Variants in FSIP2 observed in about 807,000 individuals in gnomAD.
The protein encoded by FSIP2 is fibrous sheath-interacting protein 2.
FSIP2 carries 367 observed loss-of-function variants against 510.5 expected under a neutral mutation model. The observed-to-expected ratio is 0.72, with a 90% confidence interval of 0.66 to 0.78. The LOEUF (loss-of-function observed/expected upper bound fraction) is 0.78. Among genes scored for constraint, FSIP2 ranks in the 30% least tolerant of loss-of-function variants. The pLI is 0.00. For missense variants in FSIP2, 7,594 were observed against 7,901.7 expected (o/e 0.96, Z 1.48); for synonymous variants, 2,601 against 2,732.2 (o/e 0.95, Z 1.50).
Position 185,792,215 on chromosome 2 carries a change from T to A in FSIP2, c.5079T>A (p.Asp1693Glu), listed in dbSNP as rs766183841. The change falls in exon 16 of 23, where the codon GAT (aspartate) becomes GAA (glutamate). Residue 1693 changes from aspartate (D) to glutamate (E), a missense_variant. Transcript: ENST00000424728. Reference sequence around the variant, plus strand: ...TAATTTTAGATGCAGTATCTTCCGATATGTTTAATGAAATGGAATCTGAAG... The same window carrying A: ...TAATTTTAGATGCAGTATCTTCCGAAATGTTTAATGAAATGGAATCTGAAG... ...VKLILDAVSS[D>E]MFNEMESEGG... is the part of the protein sequence containing the mutation. The A allele has an allele frequency of 6.5e-7, 1 of 1,532,978 alleles. No homozygotes were observed. The highest frequency in any genetic ancestry group is 1.2e-5 in the South Asian group (1 of 83,816). The allele number at this position is 1,532,978 out of a possible 1,614,324, so 95.0% of individuals were successfully genotyped here. A position where few individuals can be genotyped will look rare whatever the true frequency, so the allele number is the denominator to read the frequency against.
Position 185,801,741 on chromosome 2 carries a change from T to C in FSIP2, c.12435T>C (p.Asp4145=). The change falls in exon 17 of 23, where the codon GAT becomes GAC. Residue 4145 remains aspartate, a synonymous_variant. Transcript: ENST00000424728. ...STMLSHSFLE[D]VIRRLLSQLI... ...TGTTATCACATTCATTTTTAGAAGA[T>C]GTCATAAGAAGGCTTTTATCTCAGC... 2 of 1,530,154 alleles carry C rather than the reference T, an allele frequency of 1.3e-6. No individual in the cohort carries two copies. The highest frequency in any genetic ancestry group is 2.4e-5 in the South Asian group (2 of 83,018). 94.8% of individuals were successfully genotyped at this position (1,530,154 alleles called of 1,614,324 possible). A position where few individuals can be genotyped will look rare whatever the true frequency, so the allele number is the denominator to read the frequency against.
intron 11 of FSIP2, 77 bp downstream of exon 11, chr2:185,762,094 T>C (rs941679213): frequency 4.4e-6 from 3 of 677,528 alleles, no homozygotes; most frequent in Non-Finnish European, 7.3e-6. Flanking sequence ...TTTTAAGTTG[T>C]TTTATCTGAT....
chr2:185,739,329 C>A lies in FSIP2; in HGVS notation c.100-17C>A. 6.6e-7 allele frequency: 1 copy of A among 1,515,764 alleles called. No homozygotes were observed. 93.9% of individuals were successfully genotyped at this position (1,515,764 alleles called of 1,614,324 possible). On this transcript the variant is annotated splice_polypyrimidine_tract_variant and intron_variant, in intron 1 of 22. Transcript: ENST00000424728. Reference sequence around the variant, plus strand: ...TGCCTAAAAGGAAAGACAAAACTCTCCAATTGTGTCTGACAGGGCGTGCAC... The same window carrying A: ...TGCCTAAAAGGAAAGACAAAACTCTACAATTGTGTCTGACAGGGCGTGCAC...
intron 13 of FSIP2, among the ~76,000 whole-genome samples, chr2:185,769,866 G>A (rs1692571491): frequency 6.6e-6 from 1 of 152,112 alleles, no homozygotes; most frequent in Non-Finnish European, 1.5e-5. Context: ...TATTGAATAG[G>A]GAATCCTTTC....
At position 185,738,987 on chromosome 2, in the gene FSIP2, C is replaced by A; in HGVS notation, c.93C>A (p.Cys31Ter). 2.6e-6 allele frequency: 4 copies of A among 1,532,866 alleles called. No homozygotes were observed. Among genetic ancestry groups the A allele is most frequent in the Non-Finnish European group, 3.5e-6 (4 of 1,146,274 alleles). 95.0% of individuals were successfully genotyped at this position (1,532,866 alleles called of 1,614,324 possible). A position where few individuals can be genotyped will look rare whatever the true frequency, so the allele number is the denominator to read the frequency against. ...ASVLAADTQQ[C>*]RDGVHKTHFA... Reference sequence around the variant, plus strand: ...TCCTGGCCGCGGACACCCAGCAGTGCAGAGACGTGAGTGGCCGCAAGCTGG... The same window carrying A: ...TCCTGGCCGCGGACACCCAGCAGTGAAGAGACGTGAGTGGCCGCAAGCTGG... The change falls in exon 1 of 23, where the codon TGC becomes TGA. Residue 31 changes from cysteine to a stop codon, truncating the protein, a stop_gained. Transcript: ENST00000424728. LOFTEE classifies it high-confidence loss of function.
chr2:185,811,735 G>T (rs1388845872), intron 17 of FSIP2, among the ~76,000 whole-genome samples: 1 of 152,030 alleles, frequency 6.6e-6, no homozygotes, highest in Admixed American at 6.6e-5. Context: ...CATGGGCTCC[G>T]CAGACTCAGA....
At position 185,801,922 on chromosome 2, in the gene FSIP2, A is replaced by T. The variant is rs1001050308; in HGVS notation, c.12616A>T (p.Thr4206Ser). 61 of 1,511,832 alleles carry T rather than the reference A, an allele frequency of 4.0e-5. No homozygotes were observed. The African/African-American group carries it at 8.4e-4, about 21-fold the overall frequency. 93.7% of individuals were successfully genotyped at this position (1,511,832 alleles called of 1,614,324 possible). Reference protein sequence around the residue: ...FTIYDNQYLYTGKNLQKMVDS... With the variant: ...FTIYDNQYLYSGKNLQKMVDS... ...TATATATGATAATCAATATCTATAT[A>T]CTGGAAAAAACCTCCAAAAGATGGT... The change falls in exon 17 of 23, where the codon ACT becomes TCT. Residue 4206 changes from threonine to serine, a missense_variant. Physicochemically the swap from Thr to Ser is moderately conservative, Grantham distance 58. Transcript: ENST00000424728.
chr2:185,738,983 A>C lies in FSIP2; in HGVS notation c.89A>C (p.Gln30Pro). 3 of 1,533,166 alleles carry C rather than the reference A, an allele frequency of 2.0e-6. No individual in the cohort carries two copies. Among genetic ancestry groups the C allele is most frequent in the Non-Finnish European group, 2.6e-6 (3 of 1,146,410 alleles). 95.0% of individuals were successfully genotyped at this position (1,533,166 alleles called of 1,614,324 possible). A position where few individuals can be genotyped will look rare whatever the true frequency, so the allele number is the denominator to read the frequency against. The change falls in exon 1 of 23, where the codon CAG becomes CCG. Residue 30 changes from glutamine to proline, a missense_variant. Physicochemically the swap from Gln to Pro is moderately conservative, Grantham distance 76. Transcript: ENST00000424728. The part of the protein sequence containing the change: ...VASVLAADTQ[Q>P]CRDGVHKTHF... ...AGCGTCCTGGCCGCGGACACCCAGC[A>C]GTGCAGAGACGTGAGTGGCCGCAAG...
At chr2:185,753,570 T>C (rs1001726097) in intron 7 of FSIP2, among the ~76,000 whole-genome samples, 152 bp from the exon 8 acceptor site, 4 of 151,486 alleles carry the variant, frequency 2.6e-5, no homozygotes, top group African/African-American at 7.3e-5. Context: ...AAATGGAAAT[T>C]TGCCCCTTAC....
chr2:185,789,873 C>A lies in FSIP2; in HGVS notation c.2737C>A (p.Leu913Ile), dbSNP rs928973379. The A allele has an allele frequency of 1.3e-6, 2 of 1,531,560 alleles. No homozygotes were observed. Among genetic ancestry groups the A allele is most frequent in the Middle Eastern group, 1.7e-4 (1 of 5,960 alleles). The allele number at this position is 1,531,560 out of a possible 1,614,324, so 94.9% of individuals were successfully genotyped here. A position where few individuals can be genotyped will look rare whatever the true frequency, so the allele number is the denominator to read the frequency against. ...AYIEEAINAI[L>I]GYIQTELNNE... ...TATAGAGGAAGCAATCAATGCTATA[C>A]TAGGTTATATACAAACTGAACTAAA... Residue 913 changes from leucine to isoleucine, a missense_variant, in exon 16 of 23, where the codon CTA becomes ATA. Transcript: ENST00000424728.
At position 185,807,876 on chromosome 2, in the gene FSIP2, T is replaced by G; in HGVS notation, c.18570T>G (p.Leu6190=). 6.2e-7 allele frequency: 1 copy of G among 1,605,902 alleles called. No individual in the cohort carries two copies. Among genetic ancestry groups the G allele is most frequent in the South Asian group, 1.1e-5 (1 of 89,268 alleles). The change falls in exon 17 of 23, where the codon CTT becomes CTG. Residue 6190 remains leucine, a synonymous_variant. Transcript: ENST00000424728. ...TTGCTGTGAAATTTTTATCAAAGCT[T>G]TTATCTATATTTCCAAAAGTACATA... ...EEIAVKFLSK[L]LSIFPKVHKE...
At position 185,807,254 on chromosome 2, in the gene FSIP2, T is replaced by C. The variant is rs1693605033; in HGVS notation, c.17948T>C (p.Val5983Ala). 3 of 1,612,286 alleles carry C rather than the reference T, an allele frequency of 1.9e-6. No individual in the cohort carries two copies. The highest frequency in any genetic ancestry group is 4.5e-5 in the East Asian group (2 of 44,822). Reference protein sequence around the residue: ...SACLPLESKDVVKKVQKLAQT... With the variant: ...SACLPLESKDAVKKVQKLAQT... ...TGTTTGCCTCTGGAATCTAAGGATG[T>C]TGTTAAAAAGGTCCAAAAGTTGGCC... The change falls in exon 17 of 23, where the codon GTT becomes GCT. Residue 5983 changes from valine (V) to alanine (A), a missense_variant. Physicochemically the swap from Val to Ala is moderately conservative, Grantham distance 64 (BLOSUM62 0). Transcript: ENST00000424728.
Position 185,807,490 on chromosome 2 carries a change from G to A in FSIP2, c.18184G>A (p.Asp6062Asn). The change falls in exon 17 of 23, where the codon GAT becomes AAT. Residue 6062 changes from aspartate to asparagine, a missense_variant. Transcript: ENST00000424728. Reference protein sequence around the residue: ...VSAVATEISQDKYMTIQYVET... With the variant: ...VSAVATEISQNKYMTIQYVET... ...TGCAGTTGCAACAGAGATCTCCCAA[G>A]ATAAATATATGACTATACAGTATGT... 1 of 1,612,198 alleles carries A rather than the reference G, an allele frequency of 6.2e-7. No individual in the cohort carries two copies. The highest frequency in any genetic ancestry group is 1.7e-5 in the Admixed American group (1 of 59,862).
intron 7 of FSIP2, among the ~76,000 whole-genome samples, chr2:185,751,461 C>CTCTGTGTGTGTGTGTG (rs368632994): frequency 2.4e-4 from 32 of 135,780 alleles, no homozygotes; most frequent in Non-Finnish European, 4.6e-4. Context: ...CTTTATTTTT[C>CTCTGTGTGTGTGTGTG]TGTGTGTGTG....
chr2:185,753,636 A>T, intron 7 of FSIP2, 86 bp from the exon 8 acceptor site: 1 of 668,486 alleles, frequency 1.5e-6, no homozygotes, highest in Non-Finnish European at 2.3e-6. Context: ...ATCCATTTTC[A>T]AAATATTGTC....
At chr2:185,780,288 CTGAG>C (rs1165602726) in intron 13 of FSIP2, among the ~76,000 whole-genome samples, 1 of 151,970 alleles carries the variant, frequency 6.6e-6, no homozygotes, top group African/African-American at 2.4e-5. Flanking sequence ...TTATCTTCTT[CTGAG>C]TATTAGACTA....
intron 7 of FSIP2, among the ~76,000 whole-genome samples, chr2:185,751,461 C>CTGTG (rs56395901): frequency 0.23 from 30,799 of 135,544 alleles, 3,773 homozygotes; most frequent in East Asian, 0.38. Flanking sequence ...CTTTATTTTT[C>CTGTG]TGTGTGTGTG....
intron 16 of FSIP2, 167 bp downstream of exon 16, chr2:185,797,693 AT>A: frequency 1.5e-6 from 1 of 678,798 alleles, no homozygotes; most frequent in Non-Finnish European, 2.6e-6. Context: ...TTTTAAATGT[AT>A]TATTTTATTT....
chr2:185,828,553 T>C (rs1306718180), intron 21 of FSIP2, among the ~76,000 whole-genome samples: 1 of 151,790 alleles, frequency 6.6e-6, no homozygotes, highest in Non-Finnish European at 1.5e-5. Context: ...CTAGGATGAG[T>C]AGACTCAAGT....
Sources: allele counts gnomAD v4.1 joint callset (sites outside exome capture counted in the v4.1 genomes callset), GRCh38; gene constraint gnomAD v4.1.1; transcripts MANE v1.5; gene names NCBI Gene and HGNC (gene_info 2026-07-23, HGNC 2026-07-21).